RELT: variants seen among roughly 807,000 people sequenced by gnomAD.
The protein encoded by RELT is tumor necrosis factor receptor superfamily member 19L.
Under a neutral mutation model 51.1 loss-of-function variants are expected in RELT, and 37 were observed. That is an observed-to-expected ratio of 0.72 (90% CI 0.56 to 0.95). The LOEUF (loss-of-function observed/expected upper bound fraction) is 0.95, where lower values mean the gene tolerates loss of function less well. RELT is among the 40% of genes least tolerant of loss of function. The pLI, the probability that RELT is intolerant of heterozygous loss-of-function variation, is 0.00. For synonymous variants in RELT, 241 were observed against 235.7 expected (o/e 1.02, Z -0.21); for missense variants, 535 against 572.6 (o/e 0.93, Z 0.67).
chr11:73,394,258 G>A lies in RELT; in HGVS notation c.729G>A (p.Glu243=). The change falls in exon 8 of 11, where the codon GAG becomes GAA. Residue 243 remains glutamate (E), a synonymous_variant. Coordinates refer to ENST00000064780, the MANE Select transcript of RELT (RefSeq NM_152222.2). The surrounding 1 kb of genome is among the most constrained non-coding windows in gnomAD (Gnocchi z 4.9). ...EKKENAAALE[E]LLKEYHSKQL... is the part of the protein sequence containing the mutation. ...CAGAGAATGCTGCGGCCCTGGAGGA[G>A]CTGCTGAAAGAGTACCACAGCAAAC... is the stretch of plus-strand genomic sequence containing the variant. 2.5e-6 allele frequency: 4 copies of A among 1,610,558 alleles called. No homozygotes were observed. Among genetic ancestry groups the A allele is most frequent in the Non-Finnish European group, 3.4e-6 (4 of 1,178,890 alleles).
rs116053944 is a variant in RELT at position 73,392,428 on chromosome 11, G to A, written c.585G>A (p.Ala195=). 5.1e-4 allele frequency: 825 copies of A among 1,613,424 alleles called. 4 individuals carry two copies. In the African/African-American group the frequency reaches 9.5e-3, roughly 19 times the overall value. Residue 195 remains alanine, a synonymous_variant, in exon 6 of 11, where the codon GCG becomes GCA. Coordinates refer to ENST00000064780, the MANE Select transcript of RELT (RefSeq NM_152222.2). ...LLKRKGYHCT[A]HKEVGPGPGG... is the part of the protein sequence containing the mutation. ...AGCGGAAGGGCTACCACTGCACGGC[G>A]CACAAGGAGGTCGGGCCCGGCCCTG...
In RELT at chr11:73,395,261, G is replaced by C. The variant is rs1326390031; in HGVS notation, c.1221G>C (p.Lys407Asn). ...GSGGSRTKWL[K>N]PPAENKAEEN... is the part of the protein sequence containing the mutation. ...GCGGAAGCCGTACAAAGTGGCTGAA[G>C]CCCCCAGCAGAGAACAAGGCCGAGG... Residue 407 changes from lysine to asparagine, a missense_variant, in exon 10 of 11, where the codon AAG (lysine) becomes AAC (asparagine). Physicochemically the swap from Lys to Asn is moderately conservative, Grantham distance 94 (BLOSUM62 0). Transcript: ENST00000064780. The C allele has an allele frequency of 2.5e-6, 4 of 1,613,082 alleles. No homozygotes were observed. The African/African-American group carries it at 5.3e-5, about 21-fold the overall frequency.
chr11:73,394,371 C>T lies in RELT; in HGVS notation c.788+54C>T. 1 of 1,609,936 alleles carries T rather than the reference C, an allele frequency of 6.2e-7. No homozygotes were observed. Among genetic ancestry groups the T allele is most frequent in the Non-Finnish European group, 8.5e-7 (1 of 1,176,852 alleles). On this transcript the variant is annotated intron_variant, in intron 8 of 10. Transcript: ENST00000064780. The surrounding 1 kb of genome is among the most constrained non-coding windows in gnomAD (Gnocchi z 4.9). ...CCAAAACCTACATTAACCAGCCTGC[C>T]TCCTGGGGATCTCCCACTTGGGTCT...
intron 1 of RELT, among the ~76,000 whole-genome samples, chr11:73,383,743 C>T (rs1385922799): frequency 6.6e-6 from 1 of 152,210 alleles, no homozygotes; most frequent in East Asian, 1.9e-4. Flanking sequence ...AACAGGAATG[C>T]TCACTTCTCC....
At position 73,385,001 on chromosome 11, in the gene RELT, C is replaced by T. The variant is rs116679768; in HGVS notation, c.-25-4111C>T. Among the ~76,000 whole-genome samples, 88 of 151,642 alleles carry T rather than the reference C, an allele frequency of 5.8e-4. 1 individual carries two copies. Among genetic ancestry groups the T allele is most frequent in the African/African-American group, 2.0e-3 (83 of 41,282 alleles). ...TGAGGGTGGAAAGCACTCAGCGTGG[C>T]AGGCGTGTGGGTGGGGGAGGTTGGT... On this transcript the variant is annotated intron_variant, in intron 1 of 10. Transcript: ENST00000064780.
rs557397303 is a variant in RELT, at chr11:73,378,553, A to T, written c.-26+2054A>T. On this transcript the variant is annotated intron_variant, in intron 1 of 10. Coordinates refer to ENST00000064780, the MANE Select transcript of RELT (RefSeq NM_152222.2). ...TCTTCTGACCCCAGAGACCAGTGAG[A>T]TGCTGGGAGAGAGGATCACCCACCT... 2.6e-5 allele frequency among the ~76,000 whole-genome samples: 4 copies of T among 152,312 alleles called. No homozygotes were observed. The East Asian group carries it at 7.7e-4, about 29-fold the overall frequency.
intron 1 of RELT, among the ~76,000 whole-genome samples, chr11:73,381,943 C>G (rs943910427): frequency 3.3e-5 from 5 of 152,192 alleles, no homozygotes; most frequent in African/African-American, 1.2e-4. Context: ...TGGTCCTGAG[C>G]TTGGGTTCCT....
chr11:73,394,853 T>G lies in RELT; in HGVS notation c.1046+119T>G. ...CCCTGCTCAATGGGAGCCCTGCCCT[T>G]ATTGGGCCTCTCTGGGCAGTGGAGG... On this transcript the variant is annotated intron_variant, in intron 9 of 10. Transcript: ENST00000064780. This position sits in a 1 kb window ranked among gnomAD's most constrained non-coding sequence, Gnocchi z 4.9. The G allele has an allele frequency of 8.0e-7, 1 of 1,247,596 alleles. No homozygotes were observed. The highest frequency in any genetic ancestry group is 1.1e-6 in the Non-Finnish European group (1 of 906,190). The allele number at this position is 1,247,596 out of a possible 1,614,324, so 77.3% of individuals were successfully genotyped here.
At chr11:73,382,183 C>T (rs370457068) in intron 1 of RELT, among the ~76,000 whole-genome samples, 1 of 152,212 alleles carries the variant, frequency 6.6e-6, no homozygotes, top group Non-Finnish European at 1.5e-5. Flanking sequence ...CAGTCCTCAG[C>T]GTAGCTCCAC....
chr11:73,391,030 G>A (rs1196182093), intron 4 of RELT, 109 bp downstream of exon 4: 1 of 1,514,116 alleles, frequency 6.6e-7, no homozygotes, highest in Non-Finnish European at 9.1e-7. Context: ...TCCCATCTGT[G>A]AAATGGGATG....
chr11:73,381,519 G>A (rs1264112224), intron 1 of RELT, among the ~76,000 whole-genome samples: 2 of 152,196 alleles, frequency 1.3e-5, no homozygotes, highest in Non-Finnish European at 2.9e-5. Context: ...CAGGGGTGAG[G>A]GGTGGGGGAG....
Position 73,394,735 on chromosome 11 carries a change from G to T in RELT, c.1046+1G>T. The stretch of plus-strand genomic sequence containing the variant: ...AGATCACCATCTTGTCTGTGGGCAG[G>T]TGAGATGGGCACAGATGCAGCAGGG... On this transcript the variant is annotated splice_donor_variant, in intron 9 of 10. Transcript: ENST00000064780. LOFTEE classifies it high-confidence loss of function. The surrounding 1 kb of genome is among the most constrained non-coding windows in gnomAD (Gnocchi z 4.9). The T allele has an allele frequency of 6.2e-7, 1 of 1,607,070 alleles. No homozygotes were observed. Among genetic ancestry groups the T allele is most frequent in the Non-Finnish European group, 8.5e-7 (1 of 1,179,416 alleles).
intron 1 of RELT, among the ~76,000 whole-genome samples, chr11:73,379,418 T>C (rs1353267453): frequency 6.6e-6 from 1 of 152,028 alleles, no homozygotes; most frequent in Non-Finnish European, 1.5e-5. Context: ...TTGGGACTGG[T>C]GTGATAGCTG....
Position 73,395,714 on chromosome 11 carries a change from C to T in RELT, c.*223C>T, listed in dbSNP as rs138827253. The T allele has an allele frequency of 2.1e-3, 1,222 of 583,004 alleles. 16 individuals carry two copies. Among genetic ancestry groups the T allele is most frequent in the African/African-American group, 0.014 (733 of 53,630 alleles). 36.1% of individuals were successfully genotyped at this position (583,004 alleles called of 1,614,324 possible). On this transcript the variant is annotated 3_prime_UTR_variant, in exon 11 of 11. Transcript: ENST00000064780. ...AGCAGGCTGAGCCCCGCCCCTGGCC[C>T]TGCTGCCATGTTGCTCCCCTGAAGG...
In RELT at chr11:73,396,225, C is replaced by G. The variant is rs1401701953; in HGVS notation, c.*734C>G. ...CCCCCATGGGGCTGTCCATCCATGG[C>G]TCTGCCTACGGAAGGGGCTTAATGC... On this transcript the variant is annotated 3_prime_UTR_variant, in exon 11 of 11. Transcript: ENST00000064780. 1 of 152,726 alleles carries G rather than the reference C, an allele frequency of 6.5e-6. No homozygotes were observed. Among genetic ancestry groups the G allele is most frequent in the Non-Finnish European group, 1.5e-5 (1 of 68,098 alleles). 9.5% of individuals were successfully genotyped at this position (152,726 alleles called of 1,614,324 possible). A position where few individuals can be genotyped will look rare whatever the true frequency, so the allele number is the denominator to read the frequency against.
At chr11:73,392,780 G>A in intron 6 of RELT, 1 of 1,300,746 alleles carries the variant, frequency 7.7e-7, no homozygotes, top group African/African-American at 1.5e-5. Flanking sequence ...AGGGTCGGAT[G>A]GTGGCCTTGG....
rs1402369756 is a variant in RELT, at chr11:73,394,659, C to T, written c.971C>T (p.Pro324Leu). The change falls in exon 9 of 11, where the codon CCT becomes CTT. Residue 324 changes from proline (P) to leucine (L), a missense_variant. By Grantham distance (98) the Pro-to-Leu change is moderately conservative (BLOSUM62 -3). Coordinates refer to ENST00000064780, the MANE Select transcript of RELT (RefSeq NM_152222.2). This position sits in a 1 kb window ranked among gnomAD's most constrained non-coding sequence, Gnocchi z 4.9. ...AATTPVPSLLPNPTRVPKAGA... is the reference protein window; with the variant it reads ...AATTPVPSLLLNPTRVPKAGA... ...ACTACTCCTGTTCCCAGCCTTCTGC[C>T]TAACCCGACCAGGGTTCCCAAGGCC... 1 of 1,613,716 alleles carries T rather than the reference C, an allele frequency of 6.2e-7. No individual in the cohort carries two copies.
chr11:73,390,441 AGTCAGTG>A (rs1226761601), intron 2 of RELT, 103 bp from the exon 3 acceptor site: 1 of 928,150 alleles, frequency 1.1e-6, no homozygotes, highest in African/African-American at 1.6e-5. Flanking sequence ...CGGGTGGGGT[AGTCAGTG>A]GTCCCTACCA....
rs377396969 is a variant in RELT at position 73,395,245 on chromosome 11, G to A, written c.1205G>A (p.Arg402His). The part of the protein sequence containing the change: ...QQALLGSGGS[R>H]TKWLKPPAEN... ...GCCCTGCTAGGAAGTGGCGGAAGCC[G>A]TACAAAGTGGCTGAAGCCCCCAGCA... is the stretch of plus-strand genomic sequence containing the variant. The change falls in exon 10 of 11, where the codon CGT (arginine) becomes CAT (histidine). Residue 402 changes from arginine (R) to histidine (H), a missense_variant. Arg to His is a conservative substitution (Grantham distance 29). Transcript: ENST00000064780. 72 of 1,613,046 alleles carry A rather than the reference G, an allele frequency of 4.5e-5. No individual in the cohort carries two copies. The highest frequency in any genetic ancestry group is 1.6e-4 in the East Asian group (7 of 44,884).
Sources: gnomAD v4.1 joint callset for allele counts (sites outside exome capture counted in the v4.1 genomes callset) on GRCh38, gnomAD v4.1.1 for gene constraint, Gnocchi (gnomAD v3.1) non-coding constraint, MANE v1.5 for transcripts, NCBI Gene and HGNC (gene_info 2026-07-23, HGNC 2026-07-21) for gene names.